Variants in EIF2AK4 observed in about 807,000 individuals in gnomAD.
The protein encoded by EIF2AK4 is eIF-2-alpha kinase GCN2.
EIF2AK4 carries 139 observed loss-of-function variants against 211.1 expected under a neutral mutation model. That is an observed-to-expected ratio of 0.66 (90% CI 0.57 to 0.76). The LOEUF (loss-of-function observed/expected upper bound fraction) is 0.76, where lower values mean the gene tolerates loss of function less well. Ranked by LOEUF, EIF2AK4 falls within the 30% of genes least tolerant of loss-of-function variation. The pLI is 0.00. For synonymous variants in EIF2AK4, 710 were observed against 751.3 expected (o/e 0.94, Z 0.90); for missense variants, 1,664 against 2,043.8 (o/e 0.81, Z 3.58).
At chr15:40,034,108 TG>T (rs2035581272) in intron 37 of EIF2AK4, among the ~76,000 whole-genome samples, 1 of 152,056 alleles carries the variant, frequency 6.6e-6, no homozygotes, top group Non-Finnish European at 1.5e-5. Flanking sequence ...GCTGCAGCAT[TG>T]TTAATCAGGC....
rs1595552424 is a variant in EIF2AK4, at chr15:39,967,810, A to G, written c.1484A>G (p.Gln495Arg). 6.2e-7 allele frequency: 1 copy of G among 1,614,256 alleles called. No individual in the cohort carries two copies. Among genetic ancestry groups the G allele is most frequent in the Non-Finnish European group, 8.5e-7 (1 of 1,180,050 alleles). ...CTGCTGCTGTCCCTCAGCCAAGGAC[A>G]GGAATGTGGAGAGTACCCTGTGACC... ...GLLLLSLSQG[Q>R]ECGEYPVTIP... is the part of the protein sequence containing the mutation. Residue 495 changes from glutamine to arginine, a missense_variant, in exon 9 of 39, where the codon CAG becomes CGG. By Grantham distance (43) the Gln-to-Arg change is conservative (BLOSUM62 1). Coordinates refer to ENST00000263791, the MANE Select transcript of EIF2AK4 (RefSeq NM_001013703.4).
At chr15:39,957,673 C>T (rs2034410031) in intron 6 of EIF2AK4, among the ~76,000 whole-genome samples, 1 of 152,120 alleles carries the variant, frequency 6.6e-6, no homozygotes, top group Admixed American at 6.5e-5. Flanking sequence ...TCTGTGTTTT[C>T]CTCAAAGCCT....
intron 13 of EIF2AK4, among the ~76,000 whole-genome samples, chr15:39,982,524 C>A (rs1041697191): frequency 2.6e-5 from 4 of 152,056 alleles, no homozygotes; most frequent in African/African-American, 9.7e-5. Flanking sequence ...ATTCTGTGAG[C>A]TTCTTTTTTT....
intron 25 of EIF2AK4, among the ~76,000 whole-genome samples, chr15:40,008,744 C>G (rs1448819063): frequency 6.6e-6 from 1 of 152,076 alleles, no homozygotes; most frequent in Non-Finnish European, 1.5e-5. Context: ...ATTAGTTGGC[C>G]ACCTTTTCTT....
intron 2 of EIF2AK4, among the ~76,000 whole-genome samples, chr15:39,940,050 G>A (rs1424497646): frequency 6.6e-6 from 1 of 152,150 alleles, no homozygotes; most frequent in Non-Finnish European, 1.5e-5. Context: ...GAGAGTATTT[G>A]GATCTGTCCT....
chr15:39,996,208 A>G (rs1321204910), intron 18 of EIF2AK4, among the ~76,000 whole-genome samples: 4 of 152,218 alleles, frequency 2.6e-5, no homozygotes, highest in African/African-American at 9.6e-5. Context: ...TTTGAAGGCC[A>G]TATGACCCTG....
chr15:40,006,554 C>T (rs1375215360), intron 23 of EIF2AK4, among the ~76,000 whole-genome samples: 2 of 152,056 alleles, frequency 1.3e-5, no homozygotes, highest in African/African-American at 4.8e-5. Context: ...GTTGTGGTTA[C>T]TATTTGAAGG....
At chr15:40,033,086 C>G (rs546249286) in intron 37 of EIF2AK4, among the ~76,000 whole-genome samples, 7 of 152,268 alleles carry the variant, frequency 4.6e-5, no homozygotes, top group African/African-American at 1.7e-4. Context: ...CAGGGTCTGG[C>G]AGGCCTTGTT....
intron 13 of EIF2AK4, among the ~76,000 whole-genome samples, chr15:39,978,853 C>T (rs1250560332): frequency 6.6e-6 from 1 of 152,048 alleles, no homozygotes; most frequent in Admixed American, 6.6e-5. Flanking sequence ...TAAAACAAAG[C>T]AAACTTCAGT....
intron 16 of EIF2AK4, among the ~76,000 whole-genome samples, chr15:39,990,792 A>G (rs1268463426): frequency 2.0e-5 from 3 of 152,250 alleles, no homozygotes; most frequent in African/African-American, 7.2e-5. Context: ...CTGGATAACG[A>G]CAGTGGCATT....
intron 15 of EIF2AK4, among the ~76,000 whole-genome samples, chr15:39,988,801 G>A (rs948514053): frequency 7.9e-5 from 12 of 152,174 alleles, no homozygotes; most frequent in African/African-American, 2.9e-4. Flanking sequence ...AGGAGTTCAA[G>A]ACCAGACTGG....
At chr15:39,957,714 G>A (rs2034410504) in intron 6 of EIF2AK4, among the ~76,000 whole-genome samples, 1 of 152,208 alleles carries the variant, frequency 6.6e-6, no homozygotes, top group Non-Finnish European at 1.5e-5. Context: ...CATGGTAGGT[G>A]CCTGGTCAAC....
chr15:39,955,901 A>G, intron 6 of EIF2AK4, 133 bp downstream of exon 6: 5 of 808,784 alleles, frequency 6.2e-6, no homozygotes. Flanking sequence ...TATATATCTT[A>G]ATATATTAGC....
chr15:40,011,268 T>C lies in EIF2AK4; in HGVS notation c.3694-13T>C, dbSNP rs2035231703. The C allele has an allele frequency of 6.2e-7, 1 of 1,613,284 alleles. No homozygotes were observed. The highest frequency in any genetic ancestry group is 1.1e-5 in the South Asian group (1 of 90,856). ...TTCGCGACTCTCATTGTTACCTTTT[T>C]CTTCCACGTTAGACAGAGAAGCTGA... On this transcript the variant is annotated splice_polypyrimidine_tract_variant and intron_variant, in intron 26 of 38. Transcript: ENST00000263791.
intron 11 of EIF2AK4, 92 bp downstream of exon 11, chr15:39,973,841 T>C: frequency 6.8e-7 from 1 of 1,463,996 alleles, no homozygotes; most frequent in Admixed American, 1.9e-5. Context: ...ATTTTGGGAG[T>C]GGGGAGGGAA....
rs535341055 is a variant in EIF2AK4 at position 39,961,070 on chromosome 15, A to G, written c.744-714A>G. Among the ~76,000 whole-genome samples the G allele has an allele frequency of 3.9e-5, 6 of 152,296 alleles. No homozygotes were observed. In the East Asian group the frequency reaches 1.2e-3, roughly 29 times the overall value. ...CTCTCCCCTAATTTATTGTTTTTGC[A>G]TTATGATCTAGTTTCTTAGCTCTTG... On this transcript the variant is annotated intron_variant, in intron 6 of 38. Transcript: ENST00000263791.
At chr15:40,020,345 T>G (rs891502001) in intron 30 of EIF2AK4, among the ~76,000 whole-genome samples, 2 of 149,400 alleles carry the variant, frequency 1.3e-5, no homozygotes, top group African/African-American at 4.9e-5. Context: ...ACATAACATT[T>G]TTTTTTTTTT....
chr15:39,998,520 G>A (rs570318780), intron 19 of EIF2AK4, among the ~76,000 whole-genome samples: 8 of 152,244 alleles, frequency 5.3e-5, no homozygotes, highest in East Asian at 1.9e-4. Context: ...TGAAGAGTGA[G>A]GTTTGGGTGA....
chr15:40,025,659 A>T (rs2035457105), intron 32 of EIF2AK4, among the ~76,000 whole-genome samples: 1 of 152,136 alleles, frequency 6.6e-6, no homozygotes, highest in Non-Finnish European at 1.5e-5. Flanking sequence ...AAAAAAAAAA[A>T]TTCTATCATC....
Sources: gnomAD v4.1 joint callset for allele counts (sites outside exome capture counted in the v4.1 genomes callset) on GRCh38, gnomAD v4.1.1 for gene constraint, MANE v1.5 for transcripts, NCBI Gene and HGNC (gene_info 2026-07-23, HGNC 2026-07-21) for gene names.